Variants in NEK1 observed in about 807,000 individuals in gnomAD.
NEK1 encodes the protein serine/threonine-protein kinase Nek1.
In NEK1, 137 loss-of-function variants were observed where a neutral mutation model predicts 182.1. The ratio of observed to expected loss-of-function variants is 0.75; its 90% CI spans 0.65 to 0.87. The LOEUF (loss-of-function observed/expected upper bound fraction) is 0.87. Ranked by LOEUF, NEK1 falls within the 40% of genes least tolerant of loss-of-function variation. The probability of loss-of-function intolerance (pLI) is 0.00; values close to 1 mark genes in which losing one functional copy is unlikely to be tolerated. For synonymous variants in NEK1, 513 were observed against 492.2 expected (o/e 1.04, Z -0.56); for missense variants, 1,391 against 1,494.4 (o/e 0.93, Z 1.14).
Position 169,590,808 on chromosome 4 carries a change from A to C in NEK1, c.314T>G (p.Ile105Ser). Residue 105 changes from isoleucine to serine, a missense_variant and splice_region_variant, in exon 6 of 36, where the codon ATT (isoleucine) becomes AGT (serine). Coordinates refer to ENST00000507142, the MANE Select transcript of NEK1 (RefSeq NM_001199397.3). ...ACATATCTGTACAAACCAGTCCAAA[A>C]TCTAGGAAGAAAAATCAGATCTGTC... Reference protein sequence around the residue: ...QKGVLFQEDQILDWFVQICLA... With the variant: ...QKGVLFQEDQSLDWFVQICLA... The C allele has an allele frequency of 6.3e-7, 1 of 1,585,736 alleles. No homozygotes were observed. Among genetic ancestry groups the C allele is most frequent in the Non-Finnish European group, 8.6e-7 (1 of 1,163,310 alleles).
At chr4:169,592,681 T>A (rs1013954127) in intron 5 of NEK1, among the ~76,000 whole-genome samples, 6 of 125,558 alleles carry the variant, frequency 4.8e-5, no homozygotes, top group African/African-American at 1.4e-4. Context: ...AGTATTTTTT[T>A]AAAAAACAAT....
intron 31 of NEK1, among the ~76,000 whole-genome samples, chr4:169,421,968 G>A (rs554242147): frequency 1.3e-5 from 2 of 152,300 alleles, no homozygotes; most frequent in South Asian, 2.1e-4. Flanking sequence ...ATTTGTTAGA[G>A]TAGGATCCAC....
intron 21 of NEK1, 79 bp from the exon 22 acceptor site, chr4:169,507,871 G>T: frequency 1.9e-6 from 2 of 1,036,296 alleles, no homozygotes; most frequent in South Asian, 1.4e-5. Flanking sequence ...AGATAACAAT[G>T]AATAAACTAA....
rs781157393 is a variant in NEK1, at chr4:169,477,201, T to C, written c.2357A>G (p.Lys786Arg). Reference protein sequence around the residue: ...EKEKSVSSDRKKWEAGGQLVI... With the variant: ...EKEKSVSSDRRKWEAGGQLVI... ...AAGTTGACCTCCTGCCTCCCACTTC[T>C]TGCGATCAGATGAAACTGATTTTTC... is the stretch of plus-strand genomic sequence containing the variant. Residue 786 changes from lysine to arginine, a missense_variant, in exon 26 of 36, where the codon AAG (lysine) becomes AGG (arginine). Lys to Arg is a conservative substitution (Grantham distance 26). Transcript: ENST00000507142. The C allele has an allele frequency of 6.2e-7, 1 of 1,608,508 alleles. No homozygotes were observed. Among genetic ancestry groups the C allele is most frequent in the African/African-American group, 1.3e-5 (1 of 74,958 alleles).
In NEK1 at chr4:169,424,756, T is replaced by C; in HGVS notation, c.3019A>G (p.Lys1007Glu). ...AAAAATGGTTCCGGTTGCACAGACT[T>C]ATCTACATCACATTTAGAGTGCTGA... The part of the protein sequence containing the change: ...DSQHSKCDVD[K>E]SVQPEPFFHK... The change falls in exon 31 of 36, where the codon AAG becomes GAG. Residue 1007 changes from lysine (K) to glutamate (E), a missense_variant. Coordinates refer to ENST00000507142, the MANE Select transcript of NEK1 (RefSeq NM_001199397.3). 1 of 1,613,536 alleles carries C rather than the reference T, an allele frequency of 6.2e-7. No individual in the cohort carries two copies. Among genetic ancestry groups the C allele is most frequent in the African/African-American group, 1.3e-5 (1 of 75,046 alleles).
rs1294467157 is a variant in NEK1 at position 169,612,293 on chromosome 4, C to G, written c.-244G>C. 6.6e-6 allele frequency: 1 copy of G among 152,254 alleles called. No individual in the cohort carries two copies. Among genetic ancestry groups the G allele is most frequent in the African/African-American group, 2.4e-5 (1 of 41,462 alleles). The allele number at this position is 152,254 out of a possible 1,614,324, so 9.4% of individuals were successfully genotyped here. A position where few individuals can be genotyped will look rare whatever the true frequency, so the allele number is the denominator to read the frequency against. On this transcript the variant is annotated 5_prime_UTR_variant, in exon 1 of 36. Coordinates refer to ENST00000507142, the MANE Select transcript of NEK1 (RefSeq NM_001199397.3). ...CTCGGGCGACGCCCGTAAGACAGGT[C>G]GACACTACCCCGACGAAACAAACAA... is the stretch of plus-strand genomic sequence containing the variant.
intron 12 of NEK1, among the ~76,000 whole-genome samples, chr4:169,569,750 T>C (rs1296795001): frequency 6.6e-6 from 1 of 150,982 alleles, no homozygotes; most frequent in Non-Finnish European, 1.5e-5. Context: ...AGCCTCGGCC[T>C]CCCGAGGTGC....
intron 32 of NEK1, 102 bp downstream of exon 32, chr4:169,406,494 G>C: frequency 1.3e-6 from 1 of 756,870 alleles, no homozygotes. Context: ...TAAAAGCAGA[G>C]GTTAATGAGT....
intron 23 of NEK1, among the ~76,000 whole-genome samples, chr4:169,506,468 G>A (rs12331199): frequency 0.29 from 43,953 of 151,902 alleles, 8,987 homozygotes; most frequent in African/African-American, 0.59. Flanking sequence ...TTAAAATAAA[G>A]TAAGGGCCGG....
intron 10 of NEK1, among the ~76,000 whole-genome samples, chr4:169,581,551 C>T (rs1766657184): frequency 6.6e-6 from 1 of 152,132 alleles, no homozygotes; most frequent in Non-Finnish European, 1.5e-5. Context: ...TTCCAAAGTC[C>T]TGGGATTAAA....
chr4:169,529,974 G>GA (rs1561355769), intron 19 of NEK1, among the ~76,000 whole-genome samples: 1 of 151,968 alleles, frequency 6.6e-6, no homozygotes, highest in Non-Finnish European at 1.5e-5. Flanking sequence ...AACACTTTTG[G>GA]AAAAAAGAGT....
intron 19 of NEK1, among the ~76,000 whole-genome samples, chr4:169,526,571 C>T (rs1756936049): frequency 6.6e-6 from 1 of 152,094 alleles, no homozygotes; most frequent in African/African-American, 2.4e-5. Flanking sequence ...ATAATTCAAC[C>T]TAAAAACTAT....
At chr4:169,437,250 G>T (rs1738584897) in intron 28 of NEK1, among the ~76,000 whole-genome samples, 1 of 151,898 alleles carries the variant, frequency 6.6e-6, no homozygotes, top group Non-Finnish European at 1.5e-5. Context: ...TAGGTCTTCA[G>T]ATTGAGAATA....
At chr4:169,454,764 A>AGT (rs745450417) in intron 27 of NEK1, among the ~76,000 whole-genome samples, 17 of 152,252 alleles carry the variant, frequency 1.1e-4, no homozygotes, top group Admixed American at 3.9e-4. Flanking sequence ...TGTGGAAGAC[A>AGT]GTGTGGCAAT....
intron 23 of NEK1, among the ~76,000 whole-genome samples, chr4:169,481,095 G>A (rs1004596932): frequency 2.0e-5 from 3 of 152,142 alleles, no homozygotes; most frequent in African/African-American, 7.2e-5. Flanking sequence ...TCCATAAGAA[G>A]CAATTCCTCA....
chr4:169,468,391 G>C (rs1290934480), intron 26 of NEK1, among the ~76,000 whole-genome samples: 1 of 151,986 alleles, frequency 6.6e-6, no homozygotes, highest in Non-Finnish European at 1.5e-5. Context: ...ATCTTGATGG[G>C]GGTTCTTATT....
At chr4:169,595,775 T>C (rs1055031518) in intron 5 of NEK1, among the ~76,000 whole-genome samples, 1 of 151,632 alleles carries the variant, frequency 6.6e-6, no homozygotes, top group East Asian at 1.9e-4. Context: ...TCCAAAAAAA[T>C]TAGCCGGCGT....
intron 27 of NEK1, among the ~76,000 whole-genome samples, chr4:169,454,116 TG>T (rs1742381764): frequency 6.6e-6 from 1 of 152,218 alleles, no homozygotes; most frequent in Non-Finnish European, 1.5e-5. Context: ...CTGGGAAAAC[TG>T]GCTAGCCATA....
intron 35 of NEK1, among the ~76,000 whole-genome samples, chr4:169,395,939 G>A (rs1382331112): frequency 2.6e-5 from 4 of 152,150 alleles, no homozygotes; most frequent in African/African-American, 4.8e-5. Context: ...CATCATGTTT[G>A]TGGGGCTTAT....
Sources: allele counts gnomAD v4.1 joint callset (sites outside exome capture counted in the v4.1 genomes callset), GRCh38; gene constraint gnomAD v4.1.1; transcripts MANE v1.5; gene names NCBI Gene and HGNC (gene_info 2026-07-23, HGNC 2026-07-21).